The following CRADD variants were observed in gnomAD, a reference collection of about 807,000 sequenced individuals.
CRADD encodes death domain-containing protein CRADD.
Under a neutral mutation model 15.5 loss-of-function variants are expected in CRADD, and 9 were observed. The ratio of observed to expected loss-of-function variants is 0.58; its 90% CI spans 0.35 to 1.01. The LOEUF (loss-of-function observed/expected upper bound fraction) is 1.01, where lower values mean the gene tolerates loss of function less well. Ranked by LOEUF, CRADD falls within the 50% of genes least tolerant of loss-of-function variation. The pLI is 0.02. For synonymous variants in CRADD, 118 were observed against 107.6 expected (o/e 1.10, Z -0.60); for missense variants, 227 against 250.3 (o/e 0.91, Z 0.63).
intron 2 of CRADD, among the ~76,000 whole-genome samples, chr12:93,709,641 ATT>A (rs2136858208): frequency 6.6e-6 from 1 of 152,258 alleles, no homozygotes; most frequent in East Asian, 1.9e-4. Flanking sequence ...TATGTACCAC[ATT>A]TTTTAAATCC....
At chr12:93,778,587 TCC>T (rs917613926) in intron 2 of CRADD, among the ~76,000 whole-genome samples, 4 of 152,176 alleles carry the variant, frequency 2.6e-5, no homozygotes, top group African/African-American at 9.7e-5. Flanking sequence ...TCATGCAATT[TCC>T]TCTCATTCAG....
At chr12:93,887,003 AGTTAG>A (rs1958542385) in intron 2 of CRADD, among the ~76,000 whole-genome samples, 1 of 152,208 alleles carries the variant, frequency 6.6e-6, no homozygotes, top group Non-Finnish European at 1.5e-5. Context: ...AGTTCAAGGA[AGTTAG>A]GTGGGTTGCC....
intron 2 of CRADD, among the ~76,000 whole-genome samples, chr12:93,715,565 G>C (rs1956146837): frequency 6.6e-6 from 1 of 152,052 alleles, no homozygotes; most frequent in African/African-American, 2.4e-5. Flanking sequence ...TTTGAGCCCA[G>C]GAGTTCCAGA....
chr12:93,788,226 A>T (rs1957302417), intron 2 of CRADD, among the ~76,000 whole-genome samples: 1 of 152,146 alleles, frequency 6.6e-6, no homozygotes, highest in African/African-American at 2.4e-5. Context: ...GGTGGAAGGC[A>T]CCTCTTCACA....
At chr12:93,807,803 A>C (rs1035930624) in intron 2 of CRADD, among the ~76,000 whole-genome samples, 1 of 151,972 alleles carries the variant, frequency 6.6e-6, no homozygotes, top group African/African-American at 2.4e-5. Flanking sequence ...TACATCCATC[A>C]GTCAGCAAGT....
At chr12:93,689,827 G>A (rs1404088012) in intron 2 of CRADD, among the ~76,000 whole-genome samples, 2 of 152,226 alleles carry the variant, frequency 1.3e-5, no homozygotes. Flanking sequence ...TGAAGTTGCT[G>A]TGGAGAATTA....
intron 2 of CRADD, among the ~76,000 whole-genome samples, chr12:93,803,587 A>G (rs1029023548): frequency 1.3e-5 from 2 of 152,212 alleles, no homozygotes; most frequent in African/African-American, 2.4e-5. Flanking sequence ...AGCTGTTAGC[A>G]AGTCTTAACT....
intron 2 of CRADD, among the ~76,000 whole-genome samples, chr12:93,793,878 C>T (rs1957380321): frequency 6.6e-6 from 1 of 152,186 alleles, no homozygotes; most frequent in Non-Finnish European, 1.5e-5. Context: ...CTCTTGTTCA[C>T]AGCAGAGCTT....
At chr12:93,794,239 A>G (rs1957386516) in intron 2 of CRADD, among the ~76,000 whole-genome samples, 1 of 152,006 alleles carries the variant, frequency 6.6e-6, no homozygotes, top group Non-Finnish European at 1.5e-5. Flanking sequence ...ACTCTTTCTG[A>G]GTAATCTCAT....
chr12:93,687,647 C>T (rs958691920), intron 2 of CRADD, among the ~76,000 whole-genome samples: 3 of 152,172 alleles, frequency 2.0e-5, no homozygotes, highest in Non-Finnish European at 2.9e-5. Flanking sequence ...GCTTCCAAGT[C>T]GTGGCTTCCC....
intron 2 of CRADD, among the ~76,000 whole-genome samples, chr12:93,828,022 G>C (rs375903480): frequency 6.6e-6 from 1 of 152,208 alleles, no homozygotes; most frequent in African/African-American, 2.4e-5. Context: ...AATTTGAGTA[G>C]AGTGGTATTG....
intron 2 of CRADD, among the ~76,000 whole-genome samples, chr12:93,823,259 T>C (rs927355867): frequency 6.6e-6 from 1 of 150,376 alleles, no homozygotes; most frequent in African/African-American, 2.5e-5. Context: ...GCCAGTGCAT[T>C]GCAGCCTAGG....
At chr12:93,752,260 TG>T (rs1956837519) in intron 2 of CRADD, among the ~76,000 whole-genome samples, 1 of 152,248 alleles carries the variant, frequency 6.6e-6, no homozygotes, top group African/African-American at 2.4e-5. Context: ...GCTGACCATC[TG>T]GCTAACTCAT....
chr12:93,853,536 T>A, downstream of CRADD, among the ~76,000 whole-genome samples: 1 of 152,218 alleles, frequency 6.6e-6, no homozygotes, highest in African/African-American at 2.4e-5. Context: ...ATTGTCCCAC[T>A]TTTTGCTCCA....
intron 2 of CRADD, among the ~76,000 whole-genome samples, chr12:93,685,908 G>A (rs949580875): frequency 4.6e-5 from 7 of 151,984 alleles, no homozygotes; most frequent in Admixed American, 3.9e-4. Flanking sequence ...CAGGAGAATC[G>A]CTTGAACCTG....
chr12:93,769,372 C>T (rs1012675086), intron 2 of CRADD, among the ~76,000 whole-genome samples: 7 of 152,202 alleles, frequency 4.6e-5, no homozygotes, highest in African/African-American at 1.7e-4. Context: ...GCATGAGCCA[C>T]CACTCTTGGC....
intron 2 of CRADD, among the ~76,000 whole-genome samples, chr12:93,756,503 T>A (rs1956891626): frequency 6.6e-6 from 1 of 152,200 alleles, no homozygotes; most frequent in Admixed American, 6.5e-5. Flanking sequence ...AGAGAGGAGA[T>A]AAGACAGAGC....
chr12:93,735,061 G>T (rs112517596), intron 2 of CRADD, among the ~76,000 whole-genome samples: 2 of 152,130 alleles, frequency 1.3e-5, no homozygotes, highest in Non-Finnish European at 2.9e-5. Context: ...GCTCCATGGG[G>T]GCAGAACACT....
At chr12:93,796,547 G>A (rs957288754) in intron 2 of CRADD, among the ~76,000 whole-genome samples, 2 of 150,012 alleles carry the variant, frequency 1.3e-5, no homozygotes, top group Non-Finnish European at 2.9e-5. Flanking sequence ...AGAGGGTGCA[G>A]TGAGCCGAGA....
Sources: allele counts gnomAD v4.1 joint callset (sites outside exome capture counted in the v4.1 genomes callset), GRCh38; gene constraint gnomAD v4.1.1; transcripts MANE v1.5; gene names NCBI Gene and HGNC (gene_info 2026-07-23, HGNC 2026-07-21).